Variants in ZFAND3 observed in about 807,000 individuals in gnomAD.
The protein encoded by ZFAND3 is zinc finger AN1-type containing 3.
A neutral mutation model predicts 29.6 loss-of-function variants in ZFAND3; 10 were observed. The ratio of observed to expected loss-of-function variants is 0.34; its 90% CI spans 0.21 to 0.57. ZFAND3 has a LOEUF of 0.57. Ranked by LOEUF, ZFAND3 falls within the 20% of genes least tolerant of loss-of-function variation. The pLI is 0.86. For missense variants in ZFAND3, 230 were observed against 304.5 expected (o/e 0.76, Z 1.82); for synonymous variants, 128 against 112.6 (o/e 1.14, Z -0.87).
At chr6:38,083,401 C>T (rs1001039662) in intron 4 of ZFAND3, among the ~76,000 whole-genome samples, 1 of 152,094 alleles carries the variant, frequency 6.6e-6, no homozygotes, top group African/African-American at 2.4e-5. Flanking sequence ...GTGAGATAGT[C>T]TTGGCATGTT....
At position 38,153,841 on chromosome 6, in the gene ZFAND3, G is replaced by A; in HGVS notation, c.*1452G>A. ...AGGTGGGTGAGGGCAGGAGGCCCCTGCGGAGGCAGCGTGGATCTGCCCACA... is the reference window on the plus strand; with the variant it reads ...AGGTGGGTGAGGGCAGGAGGCCCCTACGGAGGCAGCGTGGATCTGCCCACA... On this transcript the variant is annotated 3_prime_UTR_variant, in exon 6 of 6. Transcript: ENST00000287218. The A allele has an allele frequency of 1.0e-6, 1 of 985,554 alleles. No homozygotes were observed. Among genetic ancestry groups the A allele is most frequent in the South Asian group, 4.7e-5 (1 of 21,292 alleles). 61.1% of individuals were successfully genotyped at this position (985,554 alleles called of 1,614,324 possible).
chr6:37,886,450 G>C (rs143546792), intron 1 of ZFAND3, among the ~76,000 whole-genome samples: 2 of 152,190 alleles, frequency 1.3e-5, no homozygotes, highest in Admixed American at 6.5e-5. Flanking sequence ...TGATTTGTTA[G>C]AACACAAGCC....
At position 38,029,842 on chromosome 6, in the gene ZFAND3, A is replaced by G. The variant is rs757655419; in HGVS notation, c.113-31751A>G. Among the ~76,000 whole-genome samples the G allele has an allele frequency of 8.5e-4, 130 of 152,222 alleles. 1 individual carries two copies. Among genetic ancestry groups the G allele is most frequent in the Admixed American group, 4.7e-3 (72 of 15,296 alleles). On this transcript the variant is annotated intron_variant, in intron 2 of 5. Transcript: ENST00000287218. ...TATTTTATCTTTGCATATGCTTTAA[A>G]CACACAAAACATTGCTACTATGTTT... is the stretch of plus-strand genomic sequence containing the variant.
intron 4 of ZFAND3, among the ~76,000 whole-genome samples, chr6:38,103,348 GTA>G (rs5875613): frequency 0.8 from 114,585 of 143,514 alleles, 45,754 homozygotes; most frequent in Admixed American, 0.82. Context: ...GTGTGTGTAT[GTA>G]TATATATATA....
intron 2 of ZFAND3, among the ~76,000 whole-genome samples, chr6:38,009,568 T>G (rs1282234939): frequency 6.6e-6 from 1 of 152,178 alleles, no homozygotes; most frequent in Non-Finnish European, 1.5e-5. Context: ...TTCTGAACTT[T>G]TACAGGATCC....
chr6:37,951,621 C>A (rs978026054), intron 2 of ZFAND3, among the ~76,000 whole-genome samples: 17 of 151,996 alleles, frequency 1.1e-4, no homozygotes, highest in Non-Finnish European at 1.8e-4. Flanking sequence ...ATTAAAAAAA[C>A]CATATATCAT....
chr6:37,883,836 G>A (rs1470851934), intron 1 of ZFAND3, among the ~76,000 whole-genome samples: 3 of 145,182 alleles, frequency 2.1e-5, no homozygotes, highest in South Asian at 2.1e-4. Flanking sequence ...CGCCGTGCCC[G>A]GCTTGATGGA....
chr6:38,004,478 C>T (rs56098839), intron 2 of ZFAND3, among the ~76,000 whole-genome samples: 46,306 of 146,854 alleles, frequency 0.32, 7,853 homozygotes, highest in Non-Finnish European at 0.38. Flanking sequence ...CTCCATCCCT[C>T]TTTAGGACAG....
chr6:37,885,152 G>A (rs1764966339), intron 1 of ZFAND3, among the ~76,000 whole-genome samples: 1 of 147,760 alleles, frequency 6.8e-6, no homozygotes, highest in Admixed American at 6.8e-5. Flanking sequence ...GTCTTTGGGT[G>A]GGAGAAATGA....
At chr6:38,083,215 C>G (rs991357412) in intron 4 of ZFAND3, among the ~76,000 whole-genome samples, 2 of 152,102 alleles carry the variant, frequency 1.3e-5, no homozygotes, top group African/African-American at 4.8e-5. Context: ...CAAACTGTTT[C>G]CATGTACAAA....
intron 2 of ZFAND3, among the ~76,000 whole-genome samples, chr6:38,014,862 C>T (rs1175890575): frequency 6.6e-6 from 1 of 152,134 alleles, no homozygotes; most frequent in Admixed American, 6.5e-5. Flanking sequence ...TTCTTTTTGC[C>T]TCTTCTTTCT....
chr6:38,142,711 C>T (rs1581954980), intron 5 of ZFAND3, among the ~76,000 whole-genome samples: 1 of 151,900 alleles, frequency 6.6e-6, no homozygotes, highest in Non-Finnish European at 1.5e-5. Context: ...GGTGGAGGGG[C>T]CCGCCAGCAG....
At chr6:37,874,245 G>A (rs537936973) in intron 1 of ZFAND3, among the ~76,000 whole-genome samples, 1 of 152,294 alleles carries the variant, frequency 6.6e-6, no homozygotes, top group East Asian at 1.9e-4. Flanking sequence ...GCCGGACGTG[G>A]TGGCTCACGC....
At chr6:37,859,167 C>T (rs972040708) in intron 1 of ZFAND3, among the ~76,000 whole-genome samples, 14 of 152,160 alleles carry the variant, frequency 9.2e-5, no homozygotes, top group African/African-American at 3.4e-4. Context: ...ATAAGACAAC[C>T]TCTCTTTATT....
chr6:37,919,581 C>T (rs1176175442), intron 1 of ZFAND3, among the ~76,000 whole-genome samples: 1 of 151,950 alleles, frequency 6.6e-6, no homozygotes, highest in Non-Finnish European at 1.5e-5. Flanking sequence ...GTTGCAGTCA[C>T]TGGAAAATTT....
chr6:38,047,926 G>A (rs887384021), intron 2 of ZFAND3, among the ~76,000 whole-genome samples: 11 of 151,172 alleles, frequency 7.3e-5, no homozygotes, highest in African/African-American at 4.8e-5. Context: ...AATAAGAACC[G>A]TAGGTTAAGA....
rs77435967 is a variant in ZFAND3 at position 38,134,750 on chromosome 6, G to A, written c.530-17485G>A. 1.9e-3 allele frequency among the ~76,000 whole-genome samples: 290 copies of A among 152,316 alleles called. 1 individual carries two copies. Among genetic ancestry groups the A allele is most frequent in the African/African-American group, 6.7e-3 (280 of 41,564 alleles). On this transcript the variant is annotated intron_variant, in intron 5 of 5. Transcript: ENST00000287218. ...ACCACATGACAGCCCTTACTCCTCA[G>A]CTGCTGGGGCCTGGAGACGCAGACT...
intron 2 of ZFAND3, among the ~76,000 whole-genome samples, chr6:38,029,262 C>G (rs1329215169): frequency 1.3e-5 from 2 of 152,170 alleles, no homozygotes; most frequent in Non-Finnish European, 2.9e-5. Flanking sequence ...GTGGGTGGCC[C>G]TTCTTTCTGA....
intron 4 of ZFAND3, among the ~76,000 whole-genome samples, chr6:38,103,498 T>TATATATACAC (rs746767276): frequency 3.6e-5 from 1 of 27,604 alleles, no homozygotes; most frequent in Non-Finnish European, 1.0e-4. Context: ...TATACACGTG[T>TATATATACAC]ATATATATAC....
Sources: gnomAD v4.1 joint callset for allele counts (sites outside exome capture counted in the v4.1 genomes callset) on GRCh38, gnomAD v4.1.1 for gene constraint, MANE v1.5 for transcripts, NCBI Gene and HGNC (gene_info 2026-07-23, HGNC 2026-07-21) for gene names.